USP20: variants seen among roughly 807,000 people sequenced by gnomAD.
USP20 encodes ubiquitin specific peptidase 20.
A neutral mutation model predicts 124.2 loss-of-function variants in USP20; 80 were observed. The ratio of observed to expected loss-of-function variants is 0.64; its 90% CI spans 0.54 to 0.78. The LOEUF (loss-of-function observed/expected upper bound fraction) is 0.78, where lower values mean the gene tolerates loss of function less well. Among genes scored for constraint, USP20 ranks in the 30% least tolerant of loss-of-function variants. USP20 has a pLI of 0.00. For missense variants in USP20, 1,043 were observed against 1,244.4 expected (o/e 0.84, Z 2.44); for synonymous variants, 481 against 512.3 (o/e 0.94, Z 0.83).
In USP20 at chr9:129,869,291, T is replaced by G; in HGVS notation, c.1277-19T>G. ...GCCAGGCAGGTGGAGGCTGGGCTAG[T>G]CCTGTGCTGTGTCCCCAGCCCAGGT... On this transcript the variant is annotated intron_variant, in intron 12 of 25. Transcript: ENST00000372429. 1 of 1,609,244 alleles carries G rather than the reference T, an allele frequency of 6.2e-7. No individual in the cohort carries two copies. Among genetic ancestry groups the G allele is most frequent in the Non-Finnish European group, 8.5e-7 (1 of 1,176,380 alleles).
chr9:129,853,763 T>C (rs1054547624), intron 3 of USP20, among the ~76,000 whole-genome samples: 1 of 152,154 alleles, frequency 6.6e-6, no homozygotes, highest in Non-Finnish European at 1.5e-5. Context: ...TTCTCTCCAC[T>C]TCTTAGGGAA....
chr9:129,877,350 C>G (rs1271806702), intron 22 of USP20, among the ~76,000 whole-genome samples: 1 of 152,104 alleles, frequency 6.6e-6, no homozygotes, highest in Non-Finnish European at 1.5e-5. Context: ...GAAACCCCAT[C>G]TCTACAAACA....
chr9:129,858,085 T>C lies in USP20; in HGVS notation c.171T>C (p.Phe57=), dbSNP rs10819568. ...CCTATGTTGGCTGCGGAGAATCCTTTGCTGACCACAGCACCATTCATGCAC... is the reference window on the plus strand; with the variant it reads ...CCTATGTTGGCTGCGGAGAATCCTTCGCTGACCACAGCACCATTCATGCAC... The part of the protein sequence containing the change: ...ACPYVGCGES[F]ADHSTIHAQA... The change falls in exon 5 of 26, where the codon TTT becomes TTC. Residue 57 remains phenylalanine, a synonymous_variant. Coordinates refer to ENST00000372429, the MANE Select transcript of USP20 (RefSeq NM_001110303.4). The C allele has an allele frequency of 0.91, 1,465,206 of 1,613,712 alleles. 666,394 individuals carry two copies. The highest frequency in any genetic ancestry group is 1 in the East Asian group (44,758 of 44,870).
At chr9:129,836,297 C>T (rs1406229474) in intron 1 of USP20, among the ~76,000 whole-genome samples, 2 of 152,178 alleles carry the variant, frequency 1.3e-5, no homozygotes, top group African/African-American at 4.8e-5. Context: ...TAAGCAGTTA[C>T]TATGTGGCAG....
intron 1 of USP20, among the ~76,000 whole-genome samples, chr9:129,841,639 C>T (rs1176970215): frequency 7.2e-5 from 11 of 152,196 alleles, no homozygotes; most frequent in Non-Finnish European, 1.6e-4. Context: ...GAAAGGGAAC[C>T]TTCACGTTGC....
chr9:129,872,693 T>C (rs1472181525), intron 15 of USP20, among the ~76,000 whole-genome samples: 1 of 152,160 alleles, frequency 6.6e-6, no homozygotes, highest in African/African-American at 2.4e-5. Flanking sequence ...TTTGACTTAA[T>C]TTTCACAGTG....
rs374121777 is a variant in USP20, at chr9:129,856,428, G to T, written c.135+68G>T. ...ACCTGTTATCAGCACTGCACAGGCT[G>T]GTGCAGTGGGCTAGACTCTGGGCTG... On this transcript the variant is annotated intron_variant, in intron 4 of 25. Coordinates refer to ENST00000372429, the MANE Select transcript of USP20 (RefSeq NM_001110303.4). 2.8e-5 allele frequency: 43 copies of T among 1,532,024 alleles called. No individual in the cohort carries two copies. The East Asian group carries it at 5.8e-4, about 21-fold the overall frequency. 94.9% of individuals were successfully genotyped at this position (1,532,024 alleles called of 1,614,324 possible). A position where few individuals can be genotyped will look rare whatever the true frequency, so the allele number is the denominator to read the frequency against.
Position 129,875,025 on chromosome 9 carries a change from G to A in USP20, c.2048+70G>A, listed in dbSNP as rs915301944. On this transcript the variant is annotated intron_variant, in intron 19 of 25. Coordinates refer to ENST00000372429, the MANE Select transcript of USP20 (RefSeq NM_001110303.4). The stretch of plus-strand genomic sequence containing the variant: ...TCCCCTGGGACCCATGGGCCTTCTG[G>A]GTGTGTGTAGGGGACAGCGCCTGGA... The A allele has an allele frequency of 3.8e-6, 6 of 1,576,764 alleles. No individual in the cohort carries two copies. In the African/African-American group the frequency reaches 8.1e-5, roughly 21 times the overall value.
In USP20 at chr9:129,874,974, C is replaced by T; in HGVS notation, c.2048+19C>T. On this transcript the variant is annotated intron_variant, in intron 19 of 25. Transcript: ENST00000372429. The stretch of plus-strand genomic sequence containing the variant: ...TCTACAGGTGGGCGCTGGGCCAGGC[C>T]TGGTGGAGGAACCTCACCATCCCCG... 1.2e-6 allele frequency: 2 copies of T among 1,611,364 alleles called. No homozygotes were observed. The highest frequency in any genetic ancestry group is 1.1e-5 in the South Asian group (1 of 90,834).
chr9:129,842,662 C>T (rs1354171062), intron 1 of USP20, among the ~76,000 whole-genome samples: 13 of 150,404 alleles, frequency 8.6e-5, no homozygotes, highest in Admixed American at 5.3e-4. Context: ...GGCGTGATCT[C>T]GGCTCACTGC....
Position 129,868,898 on chromosome 9 carries a change from G to A in USP20, c.1172G>A (p.Arg391His), listed in dbSNP as rs199754310. 86 of 1,604,300 alleles carry A rather than the reference G, an allele frequency of 5.4e-5. No individual in the cohort carries two copies. Among genetic ancestry groups the A allele is most frequent in the Admixed American group, 1.9e-4 (11 of 59,044 alleles). Residue 391 changes from arginine (R) to histidine (H), a missense_variant, in exon 12 of 26, where the codon CGC becomes CAC. Coordinates refer to ENST00000372429, the MANE Select transcript of USP20 (RefSeq NM_001110303.4). ...GATGCTCACCTACGCAGCTCCTCTC[G>A]CCCCTGCAGCCCCGTCCACCACCAC... ...DNDAHLRSSS[R>H]PCSPVHHHEG...
intron 2 of USP20, among the ~76,000 whole-genome samples, chr9:129,851,383 TG>T (rs2032912799): frequency 6.6e-6 from 1 of 151,764 alleles, no homozygotes; most frequent in Non-Finnish European, 1.5e-5. Flanking sequence ...CTCAGCCTCT[TG>T]AGTAGCTGGG....
intron 1 of USP20, among the ~76,000 whole-genome samples, chr9:129,846,385 A>G (rs1170615933): frequency 1.4e-5 from 2 of 147,302 alleles, no homozygotes; most frequent in Non-Finnish European, 3.0e-5. Context: ...CTTCCCGAGT[A>G]GCTGGGACTA....
At chr9:129,874,996 C>T (rs769991135) in intron 19 of USP20, 41 bp downstream of exon 19, 4 of 1,605,144 alleles carry the variant, frequency 2.5e-6, no homozygotes, top group Admixed American at 1.7e-5. Context: ...CCTCACCATC[C>T]CCGTCCCCTG....
At position 129,879,489 on chromosome 9, in the gene USP20, C is replaced by T. The variant is rs538672098; in HGVS notation, c.2513-84C>T. On this transcript the variant is annotated intron_variant, in intron 23 of 25. Coordinates refer to ENST00000372429, the MANE Select transcript of USP20 (RefSeq NM_001110303.4). The surrounding 1 kb of genome is among the most constrained non-coding windows in gnomAD (Gnocchi z 4.2). Reference sequence around the variant, plus strand: ...TTCACGCTGACCCCCAGGCCTGGGGCGGCCCCACTTGGGATGGCTCTGCTG... The same window carrying T: ...TTCACGCTGACCCCCAGGCCTGGGGTGGCCCCACTTGGGATGGCTCTGCTG... 7.0e-6 allele frequency: 10 copies of T among 1,430,658 alleles called. No individual in the cohort carries two copies. The highest frequency in any genetic ancestry group is 5.3e-5 in the Admixed American group (3 of 57,066). 88.6% of individuals were successfully genotyped at this position (1,430,658 alleles called of 1,614,324 possible). A position where few individuals can be genotyped will look rare whatever the true frequency, so the allele number is the denominator to read the frequency against.
At chr9:129,873,080 CTTTTTT>C (rs59712662) in intron 15 of USP20, among the ~76,000 whole-genome samples, 19 of 78,356 alleles carry the variant, frequency 2.4e-4, no homozygotes, top group East Asian at 4.5e-4. Context: ...TTTTCTTCTT[CTTTTTT>C]TTTTTTTTTT....
rs1203361376 is a variant in USP20, at chr9:129,881,647, C to T, written c.*1197C>T. 6.6e-6 allele frequency: 1 copy of T among 152,480 alleles called. No homozygotes were observed. The highest frequency in any genetic ancestry group is 1.5e-5 in the Non-Finnish European group (1 of 68,120). The allele number at this position is 152,480 out of a possible 1,614,324, so 9.4% of individuals were successfully genotyped here. ...CTTCTGTCCCAGATCCTGCTCCCTC[C>T]CTGCTGAGCCTGGGGTTCCCCTGGC... On this transcript the variant is annotated 3_prime_UTR_variant, in exon 26 of 26. Coordinates refer to ENST00000372429, the MANE Select transcript of USP20 (RefSeq NM_001110303.4).
chr9:129,846,260 T>TTA (rs2032560974), intron 1 of USP20, among the ~76,000 whole-genome samples: 1 of 124,544 alleles, frequency 8.0e-6, no homozygotes, highest in Non-Finnish European at 1.7e-5. Context: ...TTTTTTTTTT[T>TTA]TTTTTTTTTT....
chr9:129,867,387 C>T (rs113537184), intron 10 of USP20, among the ~76,000 whole-genome samples: 51 of 152,282 alleles, frequency 3.3e-4, no homozygotes, highest in African/African-American at 1.1e-3. Flanking sequence ...AGGCAGCCTG[C>T]AGGGGCAGCT....
Sources: gnomAD v4.1 joint callset for allele counts (sites outside exome capture counted in the v4.1 genomes callset) on GRCh38, gnomAD v4.1.1 for gene constraint, Gnocchi (gnomAD v3.1) non-coding constraint, MANE v1.5 for transcripts, NCBI Gene and HGNC (gene_info 2026-07-23, HGNC 2026-07-21) for gene names.